The following ZMIZ1 variants were observed in gnomAD, a reference collection of about 807,000 sequenced individuals.
ZMIZ1 encodes the protein zinc finger MIZ-type containing 1, also known as zinc finger MIZ domain-containing protein 1.
Under a neutral mutation model 113.9 loss-of-function variants are expected in ZMIZ1, and 17 were observed. That is an observed-to-expected ratio of 0.15 (90% CI 0.10 to 0.22). ZMIZ1 has a LOEUF of 0.22. ZMIZ1 is among the 10% of genes least tolerant of loss of function. The probability of loss-of-function intolerance (pLI) is 1.00; values close to 1 mark genes in which losing one functional copy is unlikely to be tolerated. For synonymous variants in ZMIZ1, 607 were observed against 603.1 expected, an observed-to-expected ratio of 1.01 and a Z score of -0.09; for missense variants, 1,059 against 1,477.8, an observed-to-expected ratio of 0.72 and a Z score of 4.65.
chr10:79,198,257 A>G (rs987055424), intron 4 of ZMIZ1, among the ~76,000 whole-genome samples: 3 of 152,162 alleles, frequency 2.0e-5, no homozygotes, highest in Admixed American at 2.0e-4. Context: ...TGTCTCAAAA[A>G]CAAACAAACA....
At chr10:79,112,726 C>G (rs11002824) in intron 1 of ZMIZ1, among the ~76,000 whole-genome samples, 25,401 of 152,158 alleles carry the variant, frequency 0.17, 2,365 homozygotes, top group East Asian at 0.28. Context: ...AGGACATTTC[C>G]CCGAAACCAG....
At chr10:79,261,505 G>C (rs1364450458) in intron 7 of ZMIZ1, among the ~76,000 whole-genome samples, 1 of 152,178 alleles carries the variant, frequency 6.6e-6, no homozygotes, top group African/African-American at 2.4e-5. Context: ...AGGGAGCCTG[G>C]CCTGAACTGC....
At chr10:79,218,769 G>A (rs1325947829) in intron 7 of ZMIZ1, among the ~76,000 whole-genome samples, 6 of 152,246 alleles carry the variant, frequency 3.9e-5, no homozygotes, top group South Asian at 2.1e-4. Flanking sequence ...GAGAAAGAGC[G>A]TCTTTGCAGT....
chr10:79,269,455 C>CG (rs1564567489), intron 7 of ZMIZ1, among the ~76,000 whole-genome samples: 1 of 20,836 alleles, frequency 4.8e-5, no homozygotes, highest in Non-Finnish European at 9.5e-5. Context: ...CACCTCCCCC[C>CG]AACACACACA....
chr10:79,246,987 G>A (rs892825535), intron 7 of ZMIZ1, among the ~76,000 whole-genome samples: 2 of 152,196 alleles, frequency 1.3e-5, no homozygotes, highest in Admixed American at 1.3e-4. Context: ...ATTTCATTGT[G>A]CCTGCTGCCT....
chr10:79,099,687 G>A (rs1372221543), intron 1 of ZMIZ1, among the ~76,000 whole-genome samples: 2 of 152,194 alleles, frequency 1.3e-5, no homozygotes, highest in Non-Finnish European at 2.9e-5. Flanking sequence ...GAGGATAGCT[G>A]GTCCTGCATT....
intron 4 of ZMIZ1, among the ~76,000 whole-genome samples, chr10:79,185,321 C>G (rs1293238587): frequency 6.6e-6 from 1 of 152,220 alleles, no homozygotes; most frequent in Admixed American, 6.5e-5. Context: ...TCTCCCTGAG[C>G]CTGCTGAAAC....
Position 79,297,725 on chromosome 10 carries a change from C to T in ZMIZ1, c.1491+35C>T, listed in dbSNP as rs779275920. On this transcript the variant is annotated intron_variant, in intron 14 of 24. Transcript: ENST00000334512. ...AATTTAATTTACAAATTCTAAGCCA[C>T]AGGGAGTTGTTGCCTCTAAAGGTTC... The T allele has an allele frequency of 1.9e-6, 3 of 1,591,864 alleles. No homozygotes were observed. The African/African-American group carries it at 4.0e-5, about 21-fold the overall frequency.
chr10:79,166,488 C>T (rs952695722), intron 4 of ZMIZ1, among the ~76,000 whole-genome samples: 1 of 152,236 alleles, frequency 6.6e-6, no homozygotes, highest in Non-Finnish European at 1.5e-5. Context: ...CCGTGCCGGC[C>T]ACCTCCTGGC....
At chr10:79,173,396 C>A (rs1846687848) in intron 4 of ZMIZ1, among the ~76,000 whole-genome samples, 1 of 152,086 alleles carries the variant, frequency 6.6e-6, no homozygotes, top group Non-Finnish European at 1.5e-5. Flanking sequence ...GATTGGATGT[C>A]CCTGGCCTAG....
At chr10:79,151,984 C>CGT (rs1845732061) in intron 3 of ZMIZ1, among the ~76,000 whole-genome samples, 1 of 152,236 alleles carries the variant, frequency 6.6e-6, no homozygotes, top group African/African-American at 2.4e-5. Flanking sequence ...CCCTGGGCTG[C>CGT]TCCACCAGGT....
chr10:79,151,959 G>A (rs117577457), intron 3 of ZMIZ1, among the ~76,000 whole-genome samples: 4,800 of 152,230 alleles, frequency 0.032, 103 homozygotes, highest in Non-Finnish European at 0.051. Flanking sequence ...CATCTCGCCC[G>A]CCGCCATCTG....
rs538826767 is a variant in ZMIZ1, at chr10:79,266,608, A to G, written c.281-10573A>G. On this transcript the variant is annotated intron_variant, in intron 7 of 24. Coordinates refer to ENST00000334512, the MANE Select transcript of ZMIZ1 (RefSeq NM_020338.4). ...CACACATGGCCCTGAGGCTGCACTG[A>G]TGGTGCGGTGGTCTCGCTAGAGCCA... is the stretch of plus-strand genomic sequence containing the variant. Among the ~76,000 whole-genome samples the G allele has an allele frequency of 4.6e-5, 7 of 152,198 alleles. No individual in the cohort carries two copies. The South Asian group carries it at 8.3e-4, about 18-fold the overall frequency.
At chr10:79,191,233 G>A (rs1847587199) in intron 4 of ZMIZ1, among the ~76,000 whole-genome samples, 1 of 152,134 alleles carries the variant, frequency 6.6e-6, no homozygotes, top group South Asian at 2.1e-4. Flanking sequence ...TGGAGCTCCT[G>A]CAGAATGCCA....
At chr10:79,163,514 G>A (rs905511254) in intron 4 of ZMIZ1, among the ~76,000 whole-genome samples, 6 of 152,216 alleles carry the variant, frequency 3.9e-5, no homozygotes, top group African/African-American at 1.2e-4. Flanking sequence ...TGTGTGTCAG[G>A]CACTATGCTC....
At chr10:79,205,030 T>C (rs1249505345) in intron 5 of ZMIZ1, among the ~76,000 whole-genome samples, 5 of 152,208 alleles carry the variant, frequency 3.3e-5, no homozygotes, top group African/African-American at 1.2e-4. Context: ...GATGAATCAC[T>C]TGATTCACAG....
intron 4 of ZMIZ1, among the ~76,000 whole-genome samples, chr10:79,178,670 G>A (rs187562622): frequency 6.6e-6 from 1 of 152,168 alleles, no homozygotes; most frequent in Non-Finnish European, 1.5e-5. Context: ...TCTCCACAGC[G>A]GCATCCCTGC....
intron 1 of ZMIZ1, among the ~76,000 whole-genome samples, chr10:79,095,848 T>C: frequency 6.6e-6 from 1 of 152,176 alleles, no homozygotes; most frequent in East Asian, 1.9e-4. Context: ...TGTGTCCTGG[T>C]GGTCAGTTTG....
At position 79,191,550 on chromosome 10, in the gene ZMIZ1, G is replaced by A. The variant is rs115505717; in HGVS notation, c.-49-10034G>A. ...ACACTGCATGAGCACTGCTATCCTG[G>A]GAGAGGCTTGTGGCCTGGGCCCAGC... On this transcript the variant is annotated intron_variant, in intron 4 of 24. Coordinates refer to ENST00000334512, the MANE Select transcript of ZMIZ1 (RefSeq NM_020338.4). Among the ~76,000 whole-genome samples the A allele has an allele frequency of 9.1e-3, 1,390 of 152,280 alleles. 28 individuals are homozygous for A. Among genetic ancestry groups the A allele is most frequent in the African/African-American group, 0.032 (1,322 of 41,522 alleles).
Sources: allele counts gnomAD v4.1 joint callset (sites outside exome capture counted in the v4.1 genomes callset), GRCh38; gene constraint gnomAD v4.1.1; transcripts MANE v1.5; gene names NCBI Gene and HGNC (gene_info 2026-07-23, HGNC 2026-07-21).